The following NECTIN3 variants were observed in gnomAD, a reference collection of about 807,000 sequenced individuals.
The protein encoded by NECTIN3 is nectin cell adhesion molecule 3.
NECTIN3 carries 8 observed loss-of-function variants against 49.4 expected under a neutral mutation model. That is an observed-to-expected ratio of 0.16 (90% CI 0.10 to 0.29). The LOEUF (loss-of-function observed/expected upper bound fraction) is 0.29. Ranked by LOEUF, NECTIN3 falls within the 10% of genes least tolerant of loss-of-function variation. NECTIN3 has a pLI of 1.00. For synonymous variants in NECTIN3, 277 were observed against 241.1 expected (o/e 1.15, Z -1.38); for missense variants, 581 against 654.6 (o/e 0.89, Z 1.23).
In NECTIN3 at chr3:111,135,254, GA is replaced by G; in HGVS notation, c.*1045del. On this transcript the variant is annotated 3_prime_UTR_variant, in exon 6 of 6. Transcript: ENST00000485303. ...AAACTTGGAACTTTGGATATAACTA[GA>G]AAAAACTAGATTATAGAATTAGTCG... 1 of 968,870 alleles carries G rather than the reference GA, an allele frequency of 1.0e-6. No individual in the cohort carries two copies. Among genetic ancestry groups the G allele is most frequent in the Non-Finnish European group, 1.2e-6 (1 of 815,262 alleles). 60.0% of individuals were successfully genotyped at this position (968,870 alleles called of 1,614,324 possible).
At chr3:111,128,757 C>A (rs1469774648) in intron 5 of NECTIN3, among the ~76,000 whole-genome samples, 1 of 152,198 alleles carries the variant, frequency 6.6e-6, no homozygotes, top group Non-Finnish European at 1.5e-5. Flanking sequence ...AGTTCTTCAA[C>A]TCTTCTACTA....
At chr3:111,175,563 T>C (rs2035512624) in intron 7 of NECTIN3, among the ~76,000 whole-genome samples, 2 of 152,232 alleles carry the variant, frequency 1.3e-5, no homozygotes, top group South Asian at 4.2e-4. Flanking sequence ...CAAGTAGATA[T>C]TACTTAGGAT....
chr3:111,113,294 G>A (rs2033550240), intron 2 of NECTIN3, among the ~76,000 whole-genome samples: 1 of 152,088 alleles, frequency 6.6e-6, no homozygotes, highest in African/African-American at 2.4e-5. Flanking sequence ...GGCCTGAATG[G>A]AGACTTTGTC....
rs1348436433 is a variant in NECTIN3 at position 111,137,112 on chromosome 3, T to A, written c.*2897T>A. ...GGAGTACAGTGTATAAGTACAGAAA[T>A]TGAGAGAAATGTAGTCATTTTATAT... On this transcript the variant is annotated 3_prime_UTR_variant, in exon 6 of 6. Transcript: ENST00000485303. 7.1e-6 allele frequency: 7 copies of A among 979,580 alleles called. No homozygotes were observed. Among genetic ancestry groups the A allele is most frequent in the Non-Finnish European group, 6.1e-6 (5 of 824,926 alleles). 60.7% of individuals were successfully genotyped at this position (979,580 alleles called of 1,614,324 possible).
At chr3:111,180,938 T>C (rs1330014637) in intron 7 of NECTIN3, among the ~76,000 whole-genome samples, 2 of 152,208 alleles carry the variant, frequency 1.3e-5, no homozygotes, top group African/African-American at 4.8e-5. Context: ...AGTTAGAGTT[T>C]TTTTTAAAAA....
At chr3:111,083,274 A>G (rs955988417) in intron 1 of NECTIN3, among the ~76,000 whole-genome samples, 2 of 152,164 alleles carry the variant, frequency 1.3e-5, no homozygotes, top group African/African-American at 4.8e-5. Flanking sequence ...GAACAAGACT[A>G]TGTCAGTTGT....
At chr3:111,133,251 TG>T (rs769149766) in intron 5 of NECTIN3, among the ~76,000 whole-genome samples, 5 of 152,066 alleles carry the variant, frequency 3.3e-5, no homozygotes, top group Non-Finnish European at 5.9e-5. Flanking sequence ...TTGAATTACT[TG>T]ATTTACTTTT....
intron 2 of NECTIN3, among the ~76,000 whole-genome samples, chr3:111,117,701 GA>G (rs567398272): frequency 1.3e-3 from 199 of 147,452 alleles, no homozygotes; most frequent in African/African-American, 3.0e-3. Flanking sequence ...TCCTGGAAAT[GA>G]AAAAAAAAAT....
chr3:111,159,231 CA>C (rs2035160085), intron 7 of NECTIN3, among the ~76,000 whole-genome samples: 1 of 151,982 alleles, frequency 6.6e-6, no homozygotes, highest in Admixed American at 6.6e-5. Context: ...TCTTATGTCC[CA>C]AAATACTGCA....
intron 7 of NECTIN3, among the ~76,000 whole-genome samples, chr3:111,164,155 A>G (rs1031358838): frequency 6.6e-6 from 1 of 152,116 alleles, no homozygotes; most frequent in African/African-American, 2.4e-5. Context: ...AGTTAGCAAA[A>G]TGCCATAGTT....
At chr3:111,109,748 G>T (rs1170395716) in intron 1 of NECTIN3, among the ~76,000 whole-genome samples, 4 of 151,752 alleles carry the variant, frequency 2.6e-5, no homozygotes. Flanking sequence ...TCCCTCTTCA[G>T]TAGTCTGTTA....
chr3:111,150,284 C>T lies in NECTIN3; in HGVS notation c.1221+2800C>T, dbSNP rs189755473. Among the ~76,000 whole-genome samples the T allele has an allele frequency of 5.1e-4, 77 of 151,546 alleles. No individual in the cohort carries two copies. The Middle Eastern group carries it at 0.01, about 20-fold the overall frequency. On this transcript the variant is annotated intron_variant, in intron 7 of 8. Coordinates refer to the NECTIN3 transcript ENST00000493615. The stretch of plus-strand genomic sequence containing the variant: ...ATCATGTTAATAAAAGCTTTTCAAT[C>T]GCTTGAACTATCAAGAGATTTTCTC...
intron 7 of NECTIN3, among the ~76,000 whole-genome samples, chr3:111,168,346 T>C (rs771014390): frequency 6.6e-6 from 1 of 151,974 alleles, no homozygotes; most frequent in Non-Finnish European, 1.5e-5. Flanking sequence ...GAAGAGCAAA[T>C]AGGTGATCAG....
chr3:111,133,567 T>C, intron 5 of NECTIN3, 68 bp from the exon 6 acceptor site: 1 of 1,525,026 alleles, frequency 6.6e-7, no homozygotes, highest in Non-Finnish European at 8.8e-7. Flanking sequence ...GTCAACTTGC[T>C]GCTGAATCAG....
At chr3:111,161,354 C>CAG (rs1461414587) in intron 7 of NECTIN3, among the ~76,000 whole-genome samples, 1 of 152,288 alleles carries the variant, frequency 6.6e-6, no homozygotes, top group East Asian at 1.9e-4. Flanking sequence ...GTTGGGCCTA[C>CAG]AGAGAATAGC....
chr3:111,106,363 C>T (rs904631568), intron 1 of NECTIN3, among the ~76,000 whole-genome samples: 1 of 152,064 alleles, frequency 6.6e-6, no homozygotes, highest in African/African-American at 2.4e-5. Context: ...AATATAGAAA[C>T]CTTTAATTCC....
chr3:111,072,072 C>T lies in NECTIN3; in HGVS notation c.55C>T (p.Leu19Phe). The T allele has an allele frequency of 6.5e-7, 1 of 1,549,164 alleles. No homozygotes were observed. The highest frequency in any genetic ancestry group is 8.7e-7 in the Non-Finnish European group (1 of 1,146,046). ...GTGTCCTGGAGGCGGCAAAGCACAA[C>T]TTTCCTCCGCTTCTCTCCTCGGAGC... ...PLCPGGGKAQ[L>F]SSASLLGAGL... is the part of the protein sequence containing the mutation. Residue 19 changes from leucine to phenylalanine, a missense_variant, in exon 1 of 6, where the codon CTT (leucine) becomes TTT (phenylalanine). Transcript: ENST00000485303.
chr3:111,105,536 T>C (rs975189665), intron 1 of NECTIN3, among the ~76,000 whole-genome samples: 1 of 152,218 alleles, frequency 6.6e-6, no homozygotes, highest in Non-Finnish European at 1.5e-5. Context: ...TATGTATATA[T>C]TGGTCTTAGG....
chr3:111,074,782 T>C (rs2031058095), intron 1 of NECTIN3: 1 of 152,136 alleles, frequency 6.6e-6, no homozygotes, highest in Non-Finnish European at 1.5e-5. Context: ...TCTGACTTGA[T>C]AAACGTCATT....
Sources: gnomAD v4.1 joint callset for allele counts (sites outside exome capture counted in the v4.1 genomes callset) on GRCh38, gnomAD v4.1.1 for gene constraint, MANE v1.5 for transcripts, NCBI Gene and HGNC (gene_info 2026-07-23, HGNC 2026-07-21) for gene names.